Variants in ITLN1 observed in about 807,000 individuals in gnomAD.
ITLN1 encodes the protein intelectin 1, also known as intelectin-1.
ITLN1 carries 29 observed loss-of-function variants against 36.2 expected under a neutral mutation model. That is an observed-to-expected ratio of 0.80 (90% CI 0.60 to 1.09). The LOEUF is 1.09. Ranked by LOEUF, ITLN1 falls within the 50% of genes least tolerant of loss-of-function variation. The probability of loss-of-function intolerance (pLI) is 0.00; values close to 1 mark genes in which losing one functional copy is unlikely to be tolerated. For missense variants in ITLN1, 358 were observed against 405.2 expected, an observed-to-expected ratio of 0.88 and a Z score of 1.00; for synonymous variants, 143 against 146.5, an observed-to-expected ratio of 0.98 and a Z score of 0.17.
At chr1:160,884,265 C>A (rs566518174) in intron 2 of ITLN1, among the ~76,000 whole-genome samples, 1 of 152,140 alleles carries the variant, frequency 6.6e-6, no homozygotes, top group East Asian at 1.9e-4. Flanking sequence ...AAAAAGTCTG[C>A]AAACTATTCG....
At position 160,885,164 on chromosome 1, in the gene ITLN1, C is replaced by T. The variant is rs1168934495; in HGVS notation, c.-110G>A. On this transcript the variant is annotated 5_prime_UTR_variant, in exon 1 of 8. Coordinates refer to ENST00000326245, the MANE Select transcript of ITLN1 (RefSeq NM_017625.3). ...AACAGAGTGCAGCTTTCTCCAAAAACGCTCCTGATGTGGAATGAGGTGCAG... is the reference window on the plus strand; with the variant it reads ...AACAGAGTGCAGCTTTCTCCAAAAATGCTCCTGATGTGGAATGAGGTGCAG... 1 of 319,044 alleles carries T rather than the reference C, an allele frequency of 3.1e-6. No individual in the cohort carries two copies. Among genetic ancestry groups the T allele is most frequent in the Non-Finnish European group, 5.8e-6 (1 of 171,628 alleles). The allele number at this position is 319,044 out of a possible 1,614,324, so 19.8% of individuals were successfully genotyped here.
At position 160,883,493 on chromosome 1, in the gene ITLN1, C is replaced by T. The variant is rs1015428901; in HGVS notation, c.92G>A (p.Cys31Tyr). The stretch of plus-strand genomic sequence containing the variant: ...TCTGGGCAGAGATGGAGACGAAGAA[C>T]AGGTCCATTCCTTGAAGTAAGTATT... ...EANTYFKEWTCSSSPSLPRSC... is the reference protein window; with the variant it reads ...EANTYFKEWTYSSSPSLPRSC... Residue 31 changes from cysteine to tyrosine, a missense_variant, in exon 3 of 8, where the codon TGT (cysteine) becomes TAT (tyrosine). Physicochemically the swap from Cys to Tyr is radical, Grantham distance 194 (BLOSUM62 -2). Transcript: ENST00000326245. 3 of 1,613,382 alleles carry T rather than the reference C, an allele frequency of 1.9e-6. No homozygotes were observed. The highest frequency in any genetic ancestry group is 1.3e-5 in the African/African-American group (1 of 75,038).
chr1:160,883,812 G>C (rs1392224082), intron 2 of ITLN1, among the ~76,000 whole-genome samples: 1 of 152,216 alleles, frequency 6.6e-6, no homozygotes. Flanking sequence ...TAAGCACTGA[G>C]TAATCAAAGA....
chr1:160,885,059 AC>A lies in ITLN1; in HGVS notation c.-7+1del. ...AAAACAGGATTCCCCCAACTCACAG[AC>A]CTTGTCTGAGTCTCAGCTGCACTTT... On this transcript the variant is annotated splice_donor_variant, in intron 1 of 7. Transcript: ENST00000326245. LOFTEE classifies it low-confidence loss of function (5UTR_SPLICE). The A allele has an allele frequency of 5.5e-6, 3 of 546,726 alleles. No individual in the cohort carries two copies. The South Asian group carries it at 7.7e-5, about 14-fold the overall frequency. 33.9% of individuals were successfully genotyped at this position (546,726 alleles called of 1,614,324 possible). A position where few individuals can be genotyped will look rare whatever the true frequency, so the allele number is the denominator to read the frequency against.
intron 7 of ITLN1, 50 bp downstream of exon 7, chr1:160,879,257 CACGG>C: frequency 7.9e-7 from 1 of 1,271,878 alleles, no homozygotes; most frequent in Non-Finnish European, 1.2e-6. Context: ...TACCAACACA[CACGG>C]ACAAACTCGA....
chr1:160,884,404 A>ATTTATATATATAT (rs1557857168), intron 2 of ITLN1, among the ~76,000 whole-genome samples: 182 of 145,500 alleles, frequency 1.3e-3, no homozygotes, highest in African/African-American at 5.0e-3. Flanking sequence ...CCTTTTCTTT[A>ATTTATATATATAT]AAAAAAAAAT....
At chr1:160,884,762 C>T (rs1460356799) in intron 2 of ITLN1, 58 bp downstream of exon 2, 18 of 1,213,020 alleles carry the variant, frequency 1.5e-5, no homozygotes, top group Non-Finnish European at 2.1e-5. Context: ...CTGGGAGAGA[C>T]CAGGATCCCG....
At chr1:160,882,453 T>G (rs1429271080) in intron 3 of ITLN1, among the ~76,000 whole-genome samples, 1 of 152,194 alleles carries the variant, frequency 6.6e-6, no homozygotes, top group African/African-American at 2.4e-5. Flanking sequence ...ATGGAATTAT[T>G]GTATGACCCA....
intron 7 of ITLN1, among the ~76,000 whole-genome samples, chr1:160,878,200 C>T (rs574814688): frequency 5.3e-5 from 8 of 152,142 alleles, no homozygotes; most frequent in Non-Finnish European, 1.0e-4. Context: ...CCTCCCCTGC[C>T]TTTGCTCCTG....
intron 2 of ITLN1, 116 bp downstream of exon 2, chr1:160,884,704 T>G (rs944766071): frequency 9.8e-6 from 7 of 711,624 alleles, no homozygotes; most frequent in African/African-American, 1.8e-5. Context: ...CGGCACTCAG[T>G]CTACATGCAA....
chr1:160,877,358 T>G (rs987844256), intron 7 of ITLN1, among the ~76,000 whole-genome samples: 14 of 152,332 alleles, frequency 9.2e-5, no homozygotes, highest in Non-Finnish European at 2.1e-4. Flanking sequence ...TCATAAATCC[T>G]CTAAGTGCTG....
chr1:160,876,871 T>A (rs1180894449), intron 7 of ITLN1, 55 bp from the exon 8 acceptor site: 2 of 1,566,094 alleles, frequency 1.3e-6, no homozygotes, highest in East Asian at 2.2e-5. Flanking sequence ...GTGAGGCCAA[T>A]GCCATCTTAA....
chr1:160,884,645 A>G (rs1396287992), intron 2 of ITLN1, among the ~76,000 whole-genome samples, 175 bp downstream of exon 2: 2 of 152,154 alleles, frequency 1.3e-5, no homozygotes, highest in African/African-American at 4.8e-5. Context: ...GACATGCCTC[A>G]AGCAATACCT....
intron 4 of ITLN1, among the ~76,000 whole-genome samples, 166 bp downstream of exon 4, chr1:160,881,791 G>C (rs542836776): frequency 1.4e-3 from 181 of 131,136 alleles, no homozygotes; most frequent in African/African-American, 5.2e-3. Flanking sequence ...AACAGAGTAA[G>C]ACTCCGTCTC....
chr1:160,884,259 A>T (rs1294844575), intron 2 of ITLN1, among the ~76,000 whole-genome samples: 1 of 152,198 alleles, frequency 6.6e-6, no homozygotes. Flanking sequence ...TACTCCAAAA[A>T]GTCTGCAAAC....
At chr1:160,880,790 A>T in intron 5 of ITLN1, 82 bp from the exon 6 acceptor site, 1 of 1,486,458 alleles carries the variant, frequency 6.7e-7, no homozygotes, top group Non-Finnish European at 9.3e-7. Context: ...TGCCATTCAT[A>T]GAGGAGAAAC....
At chr1:160,879,260 G>A (rs373072872) in intron 7 of ITLN1, 51 bp downstream of exon 7, 507 of 1,317,780 alleles carry the variant, frequency 3.8e-4, no homozygotes, top group Non-Finnish European at 4.9e-4. Flanking sequence ...CAACACACAC[G>A]GACAAACTCG....
chr1:160,880,583 CT>C lies in ITLN1; in HGVS notation c.685+4del, dbSNP rs779539039. 6.2e-7 allele frequency: 1 copy of C among 1,613,934 alleles called. No homozygotes were observed. The highest frequency in any genetic ancestry group is 1.1e-5 in the South Asian group (1 of 91,038). ...CAGGAGTTCAGAGGATCATTAAAGA[CT>C]CACGCTGGCCATAGGGTGAGTAATA... is the stretch of plus-strand genomic sequence containing the variant. On this transcript the variant is annotated splice_donor_region_variant and intron_variant, in intron 6 of 7. Coordinates refer to ENST00000326245, the MANE Select transcript of ITLN1 (RefSeq NM_017625.3).
intron 6 of ITLN1, 66 bp downstream of exon 6, chr1:160,880,522 G>A: frequency 6.5e-7 from 1 of 1,545,984 alleles, no homozygotes; most frequent in Non-Finnish European, 8.9e-7. Context: ...ATGCATAACT[G>A]TTACCTAGCA....
Sources: gnomAD v4.1 joint callset for allele counts (sites outside exome capture counted in the v4.1 genomes callset) on GRCh38, gnomAD v4.1.1 for gene constraint, MANE v1.5 for transcripts, NCBI Gene and HGNC (gene_info 2026-07-23, HGNC 2026-07-21) for gene names.